Variants in ASTN2 observed in about 807,000 individuals in gnomAD.
ASTN2 encodes the protein astrotactin-2.
A neutral mutation model predicts 139.8 loss-of-function variants in ASTN2; 54 were observed. That is an observed-to-expected ratio of 0.39 (90% CI 0.31 to 0.48). ASTN2 has a LOEUF of 0.48. Among genes scored for constraint, ASTN2 ranks in the 20% least tolerant of loss-of-function variants. The probability of loss-of-function intolerance (pLI) is 0.95; values close to 1 mark genes in which losing one functional copy is unlikely to be tolerated. For missense variants in ASTN2, 1,565 were observed against 1,725.1 expected (o/e 0.91, Z 1.64); for synonymous variants, 756 against 719.5 (o/e 1.05, Z -0.81).
chr9:116,858,173 G>A lies in ASTN2; in HGVS notation c.2040+5410C>T, dbSNP rs555795515. Among the ~76,000 whole-genome samples the A allele has an allele frequency of 3.6e-4, 55 of 152,270 alleles. 2 individuals carry two copies. The Middle Eastern group carries it at 0.01, about 28-fold the overall frequency. The stretch of plus-strand genomic sequence containing the variant: ...CAGATGCCCCATCTGTCTTTGATCA[G>A]AGACAAACCAGCTGCACCCTCCACA... On this transcript the variant is annotated intron_variant, in intron 11 of 22. Coordinates refer to ENST00000313400, the MANE Select transcript of ASTN2 (RefSeq NM_001365068.1).
chr9:117,029,581 G>C (rs758163246), intron 6 of ASTN2, among the ~76,000 whole-genome samples: 32 of 152,090 alleles, frequency 2.1e-4, no homozygotes, highest in Non-Finnish European at 2.2e-4. Context: ...CACTAAGCTG[G>C]AGAAGGCCGG....
intron 16 of ASTN2, among the ~76,000 whole-genome samples, chr9:116,658,076 T>A (rs190205612): frequency 6.2e-4 from 94 of 152,092 alleles, no homozygotes; most frequent in African/African-American, 2.2e-3. Flanking sequence ...AGAAGAGATT[T>A]AAGGAAGTTT....
At position 116,729,030 on chromosome 9, in the gene ASTN2, A is replaced by G; in HGVS notation, c.2588T>C (p.Leu863Pro). ...GATGGTGCTGAGCTTCACACGGTAG[A>G]GGTTGCTCCGGACCCGCCACTGCTG... ...MVQQWRVRSN[L>P]YRVKLSTITL... Residue 863 changes from leucine (L) to proline (P), a missense_variant, in exon 15 of 23, where the codon CTC becomes CCC. Around this residue, in one of 4 missense-constraint regions of ASTN2, gnomAD observed 503 missense variants for 591.7 expected, o/e 0.85. Transcript: ENST00000313400. 6.3e-7 allele frequency: 1 copy of G among 1,583,216 alleles called. No homozygotes were observed. The highest frequency in any genetic ancestry group is 2.3e-5 in the East Asian group (1 of 43,494).
At chr9:117,005,754 TC>T (rs1362506274) in intron 7 of ASTN2, among the ~76,000 whole-genome samples, 219 of 152,226 alleles carry the variant, frequency 1.4e-3, no homozygotes, top group Admixed American at 2.6e-3. Context: ...TCTCTCTCTC[TC>T]TCTGTCTCTC....
chr9:117,101,248 T>A (rs954718360), intron 4 of ASTN2, among the ~76,000 whole-genome samples: 2 of 152,166 alleles, frequency 1.3e-5, no homozygotes, highest in Non-Finnish European at 2.9e-5. Flanking sequence ...ATCCATATAA[T>A]CTGAAGGGGC....
chr9:117,060,060 C>T, intron 5 of ASTN2, among the ~76,000 whole-genome samples: 1 of 152,046 alleles, frequency 6.6e-6, no homozygotes, highest in African/African-American at 2.4e-5. Context: ...CCTGTAATCC[C>T]AGCACTTTGC....
intron 4 of ASTN2, among the ~76,000 whole-genome samples, chr9:117,127,286 C>T (rs79454118): frequency 1.3e-5 from 2 of 152,300 alleles, no homozygotes; most frequent in Non-Finnish European, 2.9e-5. Context: ...AAGGTTGCTC[C>T]GCAACACTGC....
chr9:117,212,208 TATGCAGAAGA>T (rs1293774989), intron 3 of ASTN2, among the ~76,000 whole-genome samples: 5 of 152,128 alleles, frequency 3.3e-5, no homozygotes. Flanking sequence ...TGAATATGCA[TATGCAGAAGA>T]ATGAAATTAG....
rs551104526 is a variant in ASTN2 at position 116,732,657 on chromosome 9, A to G, written c.2521+742T>C. Among the ~76,000 whole-genome samples the G allele has an allele frequency of 3.6e-4, 55 of 152,300 alleles. No homozygotes were observed. In the South Asian group the frequency reaches 7.9e-3, roughly 22 times the overall value. ...AAAGGGTAGGAGAGGAACTGGGAGCAAAAAAAGAGGAAAGAGCATCCTGGG... is the reference window on the plus strand; with the variant it reads ...AAAGGGTAGGAGAGGAACTGGGAGCGAAAAAAGAGGAAAGAGCATCCTGGG... On this transcript the variant is annotated intron_variant, in intron 14 of 22. Coordinates refer to ENST00000313400, the MANE Select transcript of ASTN2 (RefSeq NM_001365068.1).
Position 116,423,870 on chromosome 9 carries a change from C to A in ASTN2, c.*1981G>T, listed in dbSNP as rs1847243061. Among the ~76,000 whole-genome samples, 1 of 152,152 alleles carries A rather than the reference C, an allele frequency of 6.6e-6. No individual in the cohort carries two copies. The highest frequency in any genetic ancestry group is 2.1e-4 in the South Asian group (1 of 4,826). On this transcript the variant is annotated 3_prime_UTR_variant, in exon 23 of 23. Coordinates refer to ENST00000313400, the MANE Select transcript of ASTN2 (RefSeq NM_001365068.1). Reference sequence around the variant, plus strand: ...GGATTGTCAATCTCATCAACATTTGCCAAATTGAGAAGTAGGCATGGTTTT... The same window carrying A: ...GGATTGTCAATCTCATCAACATTTGACAAATTGAGAAGTAGGCATGGTTTT...
intron 10 of ASTN2, among the ~76,000 whole-genome samples, chr9:116,931,689 A>T (rs1259080139): frequency 6.6e-6 from 1 of 152,162 alleles, no homozygotes; most frequent in African/African-American, 2.4e-5. Context: ...GCCCATCAAG[A>T]GCATATATTC....
chr9:116,698,439 G>A lies in ASTN2; in HGVS notation c.2806+27332C>T, dbSNP rs747723402. 2 of 1,613,946 alleles carry A rather than the reference G, an allele frequency of 1.2e-6. No individual in the cohort carries two copies. Among genetic ancestry groups the A allele is most frequent in the South Asian group, 1.1e-5 (1 of 91,076 alleles). Reference sequence around the variant, plus strand: ...GAGTTACCTGCTTAACATTGCAGAGGTGCAGGCTGTGTCTCGCTGTGACTA... The same window carrying A: ...GAGTTACCTGCTTAACATTGCAGAGATGCAGGCTGTGTCTCGCTGTGACTA... On this transcript the variant is annotated intron_variant, in intron 16 of 22. Coordinates refer to ENST00000313400, the MANE Select transcript of ASTN2 (RefSeq NM_001365068.1). The surrounding 1 kb of genome is among the most constrained non-coding windows in gnomAD (Gnocchi z 4.4).
intron 3 of ASTN2, chr9:117,181,165 T>A: frequency 5.6e-6 from 4 of 710,326 alleles, no homozygotes; most frequent in Non-Finnish European, 7.5e-6. Flanking sequence ...TGGGCCCCCA[T>A]GAGGAAAGGA....
chr9:117,414,791 C>G lies in ASTN2; in HGVS notation c.148G>C (p.Gly50Arg), dbSNP rs1831282192. The G allele has an allele frequency of 8.1e-7, 1 of 1,239,586 alleles. No individual in the cohort carries two copies. Among genetic ancestry groups the G allele is most frequent in the Admixed American group, 4.3e-5 (1 of 23,330 alleles). The allele number at this position is 1,239,586 out of a possible 1,614,324, so 76.8% of individuals were successfully genotyped here. ...LLLPPPPLLA[G>R]ATAAASREPD... Reference sequence around the variant, plus strand: ...TCCCGCGAGGCAGCGGCGGTGGCGCCGGCCAGCAGCGGCGGCGGCGGCAGC... The same window carrying G: ...TCCCGCGAGGCAGCGGCGGTGGCGCGGGCCAGCAGCGGCGGCGGCGGCAGC... Residue 50 changes from glycine to arginine, a missense_variant, in exon 1 of 23, where the codon GGC (glycine) becomes CGC (arginine). Physicochemically the swap from Gly to Arg is moderately radical, Grantham distance 125. Around this residue, in one of 4 missense-constraint regions of ASTN2, gnomAD observed 596 missense variants for 576.8 expected, o/e 1.03. Transcript: ENST00000313400. This position sits in a 1 kb window ranked among gnomAD's most constrained non-coding sequence, Gnocchi z 4.2.
At chr9:117,099,833 A>G (rs1244761756) in intron 4 of ASTN2, among the ~76,000 whole-genome samples, 1 of 152,158 alleles carries the variant, frequency 6.6e-6, no homozygotes, top group Non-Finnish European at 1.5e-5. Context: ...AGCCATCCCT[A>G]TAAGGACTGT....
chr9:116,785,673 T>A (rs1830353264), intron 13 of ASTN2, among the ~76,000 whole-genome samples: 1 of 152,200 alleles, frequency 6.6e-6, no homozygotes. Context: ...GCACTAACCT[T>A]GCCTCCCTCC....
At chr9:116,596,249 G>C (rs1314395226) in intron 19 of ASTN2, among the ~76,000 whole-genome samples, 1 of 152,210 alleles carries the variant, frequency 6.6e-6, no homozygotes, top group Non-Finnish European at 1.5e-5. Context: ...AAGAAGCTGA[G>C]AATAGAGTGA....
At chr9:116,564,022 C>T (rs1853058533) in intron 19 of ASTN2, among the ~76,000 whole-genome samples, 3 of 152,158 alleles carry the variant, frequency 2.0e-5, no homozygotes, top group Non-Finnish European at 4.4e-5. Flanking sequence ...CTTTGCAAAG[C>T]ACATGGATTA....
intron 3 of ASTN2, among the ~76,000 whole-genome samples, chr9:117,148,292 C>T (rs185647006): frequency 9.2e-5 from 14 of 152,180 alleles, no homozygotes; most frequent in Middle Eastern, 3.4e-3. Context: ...GTTCTTGGGA[C>T]GATTAAATGT....
Sources: allele counts gnomAD v4.1 joint callset (sites outside exome capture counted in the v4.1 genomes callset), GRCh38; gene constraint gnomAD v4.1.1; regional missense constraint gnomAD v4.1.1; non-coding constraint Gnocchi (gnomAD v3.1); transcripts MANE v1.5; gene names NCBI Gene and HGNC (gene_info 2026-07-23, HGNC 2026-07-21).